DHX40: variants seen among roughly 807,000 people sequenced by gnomAD.
DHX40 encodes probable ATP-dependent RNA helicase DHX40.
In DHX40, 28 loss-of-function variants were observed where a neutral mutation model predicts 89.6. The observed-to-expected ratio is 0.31, with a 90% CI of 0.23 to 0.43. The LOEUF (loss-of-function observed/expected upper bound fraction) is 0.43. Among genes scored for constraint, DHX40 ranks in the 20% least tolerant of loss-of-function variants. The pLI is 1.00. For missense variants in DHX40, 457 were observed against 844.0 expected, an observed-to-expected ratio of 0.54 and a Z score of 5.68; for synonymous variants, 226 against 283.6, an observed-to-expected ratio of 0.80 and a Z score of 2.04.
intron 2 of DHX40, among the ~76,000 whole-genome samples, chr17:59,567,793 G>T (rs1323519320): frequency 1.3e-5 from 2 of 151,912 alleles, no homozygotes; most frequent in Non-Finnish European, 2.9e-5. Context: ...TTCGCCGGGC[G>T]TGGTGGTGGG....
At chr17:59,570,794 T>G in intron 3 of DHX40, 131 bp downstream of exon 3, 16 of 851,046 alleles carry the variant, frequency 1.9e-5, no homozygotes, top group Admixed American at 3.8e-5. Flanking sequence ...AGTGATCTCC[T>G]ACCTCAGCCC....
At chr17:59,606,839 T>C (rs1237813916) in intron 17 of DHX40, among the ~76,000 whole-genome samples, 194 bp from the exon 18 acceptor site, 1 of 152,184 alleles carries the variant, frequency 6.6e-6, no homozygotes, top group East Asian at 1.9e-4. Flanking sequence ...GGTCAGTTTT[T>C]CTGACTCATT....
chr17:59,606,953 C>T (rs2143385511), intron 17 of DHX40, 80 bp from the exon 18 acceptor site: 1 of 1,314,682 alleles, frequency 7.6e-7, no homozygotes, highest in Admixed American at 2.3e-5. Flanking sequence ...ACTGAAAAAT[C>T]AGGGCTTCTC....
chr17:59,583,985 C>T (rs2143272873), intron 10 of DHX40, among the ~76,000 whole-genome samples: 1 of 111,968 alleles, frequency 8.9e-6, no homozygotes, highest in South Asian at 3.3e-4. Flanking sequence ...GGTCACTCAA[C>T]ATTTGGAGTT....
At position 59,565,623 on chromosome 17, in the gene DHX40, C is replaced by T. The variant is rs1363574316; in HGVS notation, c.-49C>T. The T allele has an allele frequency of 1.3e-6, 2 of 1,529,758 alleles. No homozygotes were observed. Among genetic ancestry groups the T allele is most frequent in the South Asian group, 1.2e-5 (1 of 86,186 alleles). The allele number at this position is 1,529,758 out of a possible 1,614,324, so 94.8% of individuals were successfully genotyped here. On this transcript the variant is annotated 5_prime_UTR_variant, in exon 1 of 18. Transcript: ENST00000251241. ...GGGCGCGTCCTCGTCTTTCCCCTCC[C>T]ATCTCCTCAGATCGGTGGACGTGCT...
chr17:59,577,608 CATT>C (rs1247678244), intron 8 of DHX40, among the ~76,000 whole-genome samples: 2 of 150,898 alleles, frequency 1.3e-5, no homozygotes, highest in Middle Eastern at 3.4e-3. Flanking sequence ...GACAGGGTCT[CATT>C]ATGTTGCTGA....
chr17:59,597,874 G>A (rs1473807285), intron 12 of DHX40, among the ~76,000 whole-genome samples: 5 of 147,700 alleles, frequency 3.4e-5, no homozygotes, highest in Non-Finnish European at 7.5e-5. Context: ...GGCGGAGCTT[G>A]CAGTGAGCCG....
intron 4 of DHX40, 111 bp from the exon 5 acceptor site, chr17:59,573,629 T>G: frequency 8.1e-7 from 1 of 1,227,160 alleles, no homozygotes; most frequent in East Asian, 2.5e-5. Context: ...GGCTCCTACT[T>G]ATATTTTAAT....
At position 59,587,746 on chromosome 17, in the gene DHX40, C is replaced by G. The variant is rs565211776; in HGVS notation, c.1425-150C>G. ...GTGCTAGGATTACAGGCATGAGCCACCACGCCTGGCCTAATTTTCTTAAAT... is the reference window on the plus strand; with the variant it reads ...GTGCTAGGATTACAGGCATGAGCCAGCACGCCTGGCCTAATTTTCTTAAAT... On this transcript the variant is annotated intron_variant, in intron 11 of 17. Coordinates refer to ENST00000251241, the MANE Select transcript of DHX40 (RefSeq NM_024612.5). The G allele has an allele frequency of 3.9e-6, 3 of 778,280 alleles. No homozygotes were observed. The South Asian group carries it at 5.5e-5, about 14-fold the overall frequency. The allele number at this position is 778,280 out of a possible 1,614,324, so 48.2% of individuals were successfully genotyped here. A position where few individuals can be genotyped will look rare whatever the true frequency, so the allele number is the denominator to read the frequency against.
chr17:59,590,468 A>C (rs1397272956), intron 12 of DHX40, among the ~76,000 whole-genome samples: 2 of 151,434 alleles, frequency 1.3e-5, no homozygotes, highest in East Asian at 3.9e-4. Flanking sequence ...TTAATTTAAA[A>C]AATTTTTAAA....
chr17:59,607,915 T>C lies in DHX40; in HGVS notation c.*743T>C, dbSNP rs1331935555. 4 of 152,148 alleles carry C rather than the reference T, an allele frequency of 2.6e-5. No homozygotes were observed. The highest frequency in any genetic ancestry group is 6.6e-5 in the Admixed American group (1 of 15,182). 9.4% of individuals were successfully genotyped at this position (152,148 alleles called of 1,614,324 possible). On this transcript the variant is annotated 3_prime_UTR_variant, in exon 18 of 18. Coordinates refer to ENST00000251241, the MANE Select transcript of DHX40 (RefSeq NM_024612.5). Reference sequence around the variant, plus strand: ...ATGATATATATATATATATAAGTTCTTTTTTAGCTGTACCTACGTACTTAT... The same window carrying C: ...ATGATATATATATATATATAAGTTCCTTTTTAGCTGTACCTACGTACTTAT...
intron 2 of DHX40, among the ~76,000 whole-genome samples, chr17:59,569,521 A>G (rs1376129281): frequency 6.8e-6 from 1 of 147,970 alleles, no homozygotes; most frequent in East Asian, 2.0e-4. Flanking sequence ...TAAAAAATAT[A>G]TTTTTTACAA....
chr17:59,605,908 T>G, intron 17 of DHX40: 1 of 565,014 alleles, frequency 1.8e-6, no homozygotes. Context: ...GAGGCTGCAG[T>G]GAACTGTGAT....
In DHX40 at chr17:59,607,076, T is replaced by C. The variant is rs1220892768; in HGVS notation, c.2244T>C (p.Asn748=). The C allele has an allele frequency of 6.2e-7, 1 of 1,613,978 alleles. No individual in the cohort carries two copies. Among genetic ancestry groups the C allele is most frequent in the African/African-American group, 1.3e-5 (1 of 74,992 alleles). The change falls in exon 18 of 18, where the codon AAT becomes AAC. Residue 748 remains asparagine, a synonymous_variant. Transcript: ENST00000251241. ...KDVLKKMQRR[N]DDKSISDARA... Reference sequence around the variant, plus strand: ...TCTTAAAGAAAATGCAAAGAAGAAATGATGACAAATCCATATCTGATGCAC... The same window carrying C: ...TCTTAAAGAAAATGCAAAGAAGAAACGATGACAAATCCATATCTGATGCAC...
rs2030504909 is a variant in DHX40, at chr17:59,601,230, G to A, written c.1807-1292G>A. 2.0e-5 allele frequency among the ~76,000 whole-genome samples: 3 copies of A among 151,976 alleles called. No individual in the cohort carries two copies. In the South Asian group the frequency reaches 6.2e-4, roughly 32 times the overall value. On this transcript the variant is annotated intron_variant, in intron 14 of 17. Coordinates refer to ENST00000251241, the MANE Select transcript of DHX40 (RefSeq NM_024612.5). Reference sequence around the variant, plus strand: ...CAGGGTGAGGTAGAGGATTGCTTGAGCCTAGGAGATCCAGGCTACAGTGAG... The same window carrying A: ...CAGGGTGAGGTAGAGGATTGCTTGAACCTAGGAGATCCAGGCTACAGTGAG...
intron 2 of DHX40, among the ~76,000 whole-genome samples, chr17:59,568,653 G>T (rs916919618): frequency 2.0e-5 from 3 of 152,000 alleles, no homozygotes; most frequent in Non-Finnish European, 4.4e-5. Context: ...TGTAAATGTG[G>T]TCTCTCTCTG....
Position 59,596,774 on chromosome 17 carries a change from G to A in DHX40, c.1583-1963G>A, listed in dbSNP as rs533865740. On this transcript the variant is annotated intron_variant, in intron 12 of 17. Coordinates refer to ENST00000251241, the MANE Select transcript of DHX40 (RefSeq NM_024612.5). ...TGGAAGCTACTTAAAGCATGGGATAGAAGACTTTATACCTTCATCAGTGTT... is the reference window on the plus strand; with the variant it reads ...TGGAAGCTACTTAAAGCATGGGATAAAAGACTTTATACCTTCATCAGTGTT... 3.6e-3 allele frequency among the ~76,000 whole-genome samples: 547 copies of A among 152,244 alleles called. 1 individual carries two copies. The highest frequency in any genetic ancestry group is 0.013 in the African/African-American group (533 of 41,532).
chr17:59,565,866 AGGCTGAGAAGAGTAGTGAGGAAG>A, intron 1 of DHX40, 83 bp downstream of exon 1: 1 of 1,230,124 alleles, frequency 8.1e-7, no homozygotes, highest in Non-Finnish European at 1.1e-6. Flanking sequence ...CGCCTTTGGC[AGGCTGAGAAGAGTAGTGAGGAAG>A]CCGTGGCGTT....
intron 2 of DHX40, among the ~76,000 whole-genome samples, chr17:59,568,752 A>T (rs1195771185): frequency 6.6e-6 from 1 of 151,966 alleles, no homozygotes. Flanking sequence ...AAGAGGGACT[A>T]CTGTATTAGT....
Sources: allele counts gnomAD v4.1 joint callset (sites outside exome capture counted in the v4.1 genomes callset), GRCh38; gene constraint gnomAD v4.1.1; transcripts MANE v1.5; gene names NCBI Gene and HGNC (gene_info 2026-07-23, HGNC 2026-07-21).